Variants in AGTPBP1 observed in about 807,000 individuals in gnomAD.
AGTPBP1 encodes cytosolic carboxypeptidase 1.
Under a neutral mutation model 143.9 loss-of-function variants are expected in AGTPBP1, and 70 were observed. The ratio of observed to expected loss-of-function variants is 0.49; its 90% CI spans 0.40 to 0.59. The LOEUF is 0.59. Ranked by LOEUF, AGTPBP1 falls within the 20% of genes least tolerant of loss-of-function variation. AGTPBP1 has a pLI of 0.00. For missense variants in AGTPBP1, 1,229 were observed against 1,464.5 expected (o/e 0.84, Z 2.62); for synonymous variants, 463 against 500.2 (o/e 0.93, Z 0.99).
chr9:85,799,712 C>T, the AGTPBP1 span, among the ~76,000 whole-genome samples: 2 of 152,082 alleles, frequency 1.3e-5, no homozygotes, highest in African/African-American at 4.8e-5. Flanking sequence ...GAGGTGGGAT[C>T]TCACTATGTT....
At chr9:85,588,201 C>T in intron 21 of AGTPBP1, 97 bp downstream of exon 21, 1 of 1,106,306 alleles carries the variant, frequency 9.0e-7, no homozygotes, top group Non-Finnish European at 1.2e-6. Context: ...CTAGAAAAAT[C>T]ACTAAGTTTG....
At chr9:85,660,889 A>G (rs1833814821) in intron 9 of AGTPBP1, 47 bp downstream of exon 9, 1 of 1,328,414 alleles carries the variant, frequency 7.5e-7, no homozygotes, top group Non-Finnish European at 1.0e-6. Flanking sequence ...AATAAATAGA[A>G]TTCTCAGAAA....
chr9:85,552,232 A>C (rs964245186), intron 25 of AGTPBP1, among the ~76,000 whole-genome samples: 2 of 152,242 alleles, frequency 1.3e-5, no homozygotes, highest in Non-Finnish European at 2.9e-5. Context: ...GCTGTATGGT[A>C]TCATTATGAT....
At chr9:85,732,207 AC>A (rs1838926634) in intron 1 of AGTPBP1, among the ~76,000 whole-genome samples, 1 of 132,720 alleles carries the variant, frequency 7.5e-6, no homozygotes, top group Non-Finnish European at 1.6e-5. Context: ...TATGACTATG[AC>A]CCTTTTTTTT....
At chr9:85,651,862 C>A (rs1833182393) in intron 11 of AGTPBP1, among the ~76,000 whole-genome samples, 1 of 152,352 alleles carries the variant, frequency 6.6e-6, no homozygotes, top group African/African-American at 2.4e-5. Context: ...ATGTCCCACA[C>A]AATCTAATGG....
At chr9:85,757,684 T>C in the AGTPBP1 span, among the ~76,000 whole-genome samples, 10 of 151,916 alleles carry the variant, frequency 6.6e-5, no homozygotes, top group Admixed American at 5.2e-4. Context: ...TTAGGAATGC[T>C]TTAGATGTTT....
chr9:85,697,203 T>C (rs1433478628), intron 2 of AGTPBP1, among the ~76,000 whole-genome samples: 1 of 152,130 alleles, frequency 6.6e-6, no homozygotes, highest in Admixed American at 6.5e-5. Flanking sequence ...TGTGTATATA[T>C]ATTTACACAT....
chr9:85,690,350 G>A (rs1181327324), intron 3 of AGTPBP1, among the ~76,000 whole-genome samples: 5 of 152,160 alleles, frequency 3.3e-5, no homozygotes, highest in Non-Finnish European at 7.3e-5. Context: ...CTAATCCTAG[G>A]CACTATAAAC....
chr9:85,678,189 A>T, intron 5 of AGTPBP1, 146 bp downstream of exon 5: 1 of 526,644 alleles, frequency 1.9e-6, no homozygotes, highest in Non-Finnish European at 3.3e-6. Context: ...TAAAGCAACA[A>T]CAACAAACTA....
intron 2 of AGTPBP1, among the ~76,000 whole-genome samples, chr9:85,700,568 G>A (rs112709336): frequency 9.8e-5 from 15 of 152,290 alleles, no homozygotes; most frequent in African/African-American, 3.6e-4. Context: ...ACCAGCCCTT[G>A]TGACTACCAC....
chr9:85,701,546 CAAAG>C (rs1836662002), intron 2 of AGTPBP1, among the ~76,000 whole-genome samples: 2 of 152,078 alleles, frequency 1.3e-5, no homozygotes, highest in Non-Finnish European at 2.9e-5. Flanking sequence ...TTATCTGAAC[CAAAG>C]TAGATGTTTA....
At chr9:85,601,700 C>A (rs1829682786) in intron 17 of AGTPBP1, among the ~76,000 whole-genome samples, 2 of 152,226 alleles carry the variant, frequency 1.3e-5, no homozygotes, top group Admixed American at 1.3e-4. Context: ...CCCAAAGCTG[C>A]AACTGCCAGC....
At chr9:85,687,210 A>G (rs1437927795) in intron 3 of AGTPBP1, among the ~76,000 whole-genome samples, 2 of 152,196 alleles carry the variant, frequency 1.3e-5, no homozygotes, top group Admixed American at 6.5e-5. Flanking sequence ...ATGTATACAC[A>G]GCTAAGAACA....
intron 1 of AGTPBP1, among the ~76,000 whole-genome samples, chr9:85,733,560 C>G (rs372841573): frequency 6.6e-6 from 1 of 151,564 alleles, no homozygotes; most frequent in Non-Finnish European, 1.5e-5. Flanking sequence ...TAAGGAACTA[C>G]AAAAAGAAGA....
At chr9:85,728,189 C>T (rs1235324957) in intron 1 of AGTPBP1, among the ~76,000 whole-genome samples, 1 of 151,924 alleles carries the variant, frequency 6.6e-6, no homozygotes, top group African/African-American at 2.4e-5. Context: ...TGTTTATCTG[C>T]AAATCTCAAG....
upstream of AGTPBP1, among the ~76,000 whole-genome samples, chr9:85,745,204 T>G (rs2134910170): frequency 6.6e-6 from 1 of 152,292 alleles, no homozygotes; most frequent in African/African-American, 2.4e-5. Flanking sequence ...ACGTACAAAA[T>G]GCAACACACT....
chr9:85,689,030 A>G (rs142482800), intron 3 of AGTPBP1, among the ~76,000 whole-genome samples: 1 of 152,350 alleles, frequency 6.6e-6, no homozygotes, highest in East Asian at 1.9e-4. Flanking sequence ...AAATGAGACT[A>G]TACACCTTTA....
At chr9:85,796,327 A>G in the AGTPBP1 span, among the ~76,000 whole-genome samples, 6 of 152,348 alleles carry the variant, frequency 3.9e-5, no homozygotes, top group South Asian at 1.0e-3. Context: ...TAGGCTGCAC[A>G]GGGACATCAG....
At chr9:85,763,568 A>G in the AGTPBP1 span, among the ~76,000 whole-genome samples, 126 of 151,966 alleles carry the variant, frequency 8.3e-4, 1 homozygote, top group African/African-American at 8.4e-4. Context: ...CAAAGTTATA[A>G]TAATGAAAAT....
Sources: gnomAD v4.1 joint callset for allele counts (sites outside exome capture counted in the v4.1 genomes callset) on GRCh38, gnomAD v4.1.1 for gene constraint, MANE v1.5 for transcripts, NCBI Gene and HGNC (gene_info 2026-07-23, HGNC 2026-07-21) for gene names.